Variants in TENM3 observed in about 807,000 individuals in gnomAD.
The protein encoded by TENM3 is teneurin transmembrane protein 3.
In TENM3, 63 loss-of-function variants were observed where a neutral mutation model predicts 255.1. The observed-to-expected ratio is 0.25, with a 90% CI of 0.20 to 0.30. The LOEUF is 0.30. TENM3 is among the 10% of genes least tolerant of loss of function. The pLI is 1.00. For missense variants in TENM3, 2,929 were observed against 3,461.1 expected, an observed-to-expected ratio of 0.85 and a Z score of 3.86; for synonymous variants, 1,306 against 1,322.3, an observed-to-expected ratio of 0.99 and a Z score of 0.27.
chr4:181,837,093 G>T, the TENM3 span, among the ~76,000 whole-genome samples: 151,039 of 152,232 alleles, frequency 0.99, 74,938 homozygotes, highest in Middle Eastern at 1. Flanking sequence ...TCTTGCAAAT[G>T]TACTTACATT....
At chr4:182,558,864 A>T (rs1372196723) in intron 3 of TENM3, among the ~76,000 whole-genome samples, 1 of 152,170 alleles carries the variant, frequency 6.6e-6, no homozygotes, top group Admixed American at 6.5e-5. Context: ...CAAAGAGGGT[A>T]AAATTGATAG....
chr4:181,781,197 A>G, the TENM3 span, among the ~76,000 whole-genome samples: 1 of 152,174 alleles, frequency 6.6e-6, no homozygotes, highest in Admixed American at 6.5e-5. Flanking sequence ...CATTGAATCT[A>G]TAAATTACCT....
intron 4 of TENM3, among the ~76,000 whole-genome samples, chr4:182,604,148 C>G (rs1748181273): frequency 6.6e-6 from 1 of 152,120 alleles, no homozygotes; most frequent in African/African-American, 2.4e-5. Flanking sequence ...TTTCCTTTCT[C>G]TAATGAATTT....
intron 4 of TENM3, among the ~76,000 whole-genome samples, chr4:182,613,495 T>C (rs369567331): frequency 6.6e-6 from 1 of 152,202 alleles, no homozygotes; most frequent in Non-Finnish European, 1.5e-5. Flanking sequence ...AGAAACACTT[T>C]GCTTCATATT....
At chr4:182,380,300 A>T (rs541541301) in intron 3 of TENM3, among the ~76,000 whole-genome samples, 1 of 152,226 alleles carries the variant, frequency 6.6e-6, no homozygotes, top group Non-Finnish European at 1.5e-5. Flanking sequence ...ACAAAAACAA[A>T]AAAGAACTAG....
chr4:181,554,720 C>T, the TENM3 span, among the ~76,000 whole-genome samples: 1 of 152,164 alleles, frequency 6.6e-6, no homozygotes, highest in South Asian at 2.1e-4. Context: ...AATGAATCTT[C>T]GATTTCTAAA....
the TENM3 span, among the ~76,000 whole-genome samples, chr4:181,948,466 A>G: frequency 6.6e-6 from 1 of 152,102 alleles, no homozygotes; most frequent in South Asian, 2.1e-4. Context: ...CCCAGGCTGG[A>G]GTTCAGTGGT....
chr4:182,699,750 C>A (rs1322854402), intron 12 of TENM3, among the ~76,000 whole-genome samples: 1 of 152,070 alleles, frequency 6.6e-6, no homozygotes, highest in Non-Finnish European at 1.5e-5. Context: ...GATACTGTTT[C>A]ATTACAAACT....
At chr4:182,599,246 C>G (rs1291811116) in intron 3 of TENM3, among the ~76,000 whole-genome samples, 1 of 152,126 alleles carries the variant, frequency 6.6e-6, no homozygotes, top group Non-Finnish European at 1.5e-5. Flanking sequence ...GTTAGTTTCT[C>G]TTTTTCTAAC....
chr4:182,612,159 CT>C (rs1026516523), intron 4 of TENM3, among the ~76,000 whole-genome samples: 2 of 151,710 alleles, frequency 1.3e-5, no homozygotes, highest in Non-Finnish European at 2.9e-5. Flanking sequence ...GTAATCTGAG[CT>C]ACAGGGGAGG....
chr4:181,852,662 A>G, the TENM3 span, among the ~76,000 whole-genome samples: 21 of 152,232 alleles, frequency 1.4e-4, no homozygotes, highest in Non-Finnish European at 2.6e-4. Flanking sequence ...TAATGTCTAC[A>G]TTAGAAGAAA....
the TENM3 span, among the ~76,000 whole-genome samples, chr4:182,024,183 AT>A: frequency 1.3e-5 from 2 of 152,160 alleles, no homozygotes; most frequent in Non-Finnish European, 2.9e-5. Context: ...AAGAAAAAAT[AT>A]TTTTTCTTAA....
At chr4:182,193,196 C>G (rs10520524) in intron 1 of TENM3, among the ~76,000 whole-genome samples, 12,824 of 152,146 alleles carry the variant, frequency 0.084, 753 homozygotes, top group Admixed American at 0.18. Context: ...CATTGATAAA[C>G]AAGGTTCTGA....
intron 3 of TENM3, among the ~76,000 whole-genome samples, chr4:182,521,792 A>G (rs1738604185): frequency 6.6e-6 from 1 of 152,186 alleles, no homozygotes; most frequent in East Asian, 1.9e-4. Flanking sequence ...AGCAATTATT[A>G]TTTAACTCTC....
the TENM3 span, among the ~76,000 whole-genome samples, chr4:182,001,998 T>C: frequency 6.6e-6 from 1 of 152,152 alleles, no homozygotes. Context: ...AAGAAGCTTT[T>C]TGAAAAGGCT....
At chr4:182,342,217 A>G (rs1764530088) in intron 2 of TENM3, among the ~76,000 whole-genome samples, 1 of 152,226 alleles carries the variant, frequency 6.6e-6, no homozygotes, top group South Asian at 2.1e-4. Flanking sequence ...CATAATAGTA[A>G]AAAAGATAGA....
At chr4:182,115,198 A>G in the TENM3 span, among the ~76,000 whole-genome samples, 1 of 152,122 alleles carries the variant, frequency 6.6e-6, no homozygotes, top group African/African-American at 2.4e-5. Context: ...AAAATAAAAT[A>G]TCTACAAACC....
At chr4:182,215,319 A>G (rs938977900) in intron 1 of TENM3, among the ~76,000 whole-genome samples, 1 of 152,232 alleles carries the variant, frequency 6.6e-6, no homozygotes, top group African/African-American at 2.4e-5. Context: ...CTCCAGAATG[A>G]GGCAGTTAGA....
At chr4:182,777,290 A>G in intron 24 of TENM3, among the ~76,000 whole-genome samples, 1 of 152,164 alleles carries the variant, frequency 6.6e-6, no homozygotes, top group Admixed American at 6.5e-5. Context: ...TGCCTGTCAC[A>G]TGGTGGACAC....
Sources: gnomAD v4.1 joint callset for allele counts (sites outside exome capture counted in the v4.1 genomes callset) on GRCh38, gnomAD v4.1.1 for gene constraint, MANE v1.5 for transcripts, NCBI Gene and HGNC (gene_info 2026-07-23, HGNC 2026-07-21) for gene names.